NR3C2: variants seen among roughly 807,000 people sequenced by gnomAD.
The protein encoded by NR3C2 is nuclear receptor subfamily 3 group C member 2.
NR3C2 carries 15 observed loss-of-function variants against 86.4 expected under a neutral mutation model. That is an observed-to-expected ratio of 0.17 (90% CI 0.12 to 0.27). NR3C2 has a LOEUF of 0.27. Among genes scored for constraint, NR3C2 ranks in the 10% least tolerant of loss-of-function variants. The pLI, the probability that NR3C2 is intolerant of heterozygous loss-of-function variation, is 1.00. For synonymous variants in NR3C2, 458 were observed against 450.5 expected (o/e 1.02, Z -0.21); for missense variants, 960 against 1,195.6 (o/e 0.80, Z 2.91).
chr4:148,152,433 A>G (rs989068105), intron 6 of NR3C2, 36 bp downstream of exon 6: 1 of 1,598,630 alleles, frequency 6.3e-7, no homozygotes, highest in Non-Finnish European at 8.6e-7. Flanking sequence ...ATAACTCTGC[A>G]GTTTATTTTA....
At chr4:148,381,673 CAA>C (rs1467360358) in intron 2 of NR3C2, among the ~76,000 whole-genome samples, 1 of 152,116 alleles carries the variant, frequency 6.6e-6, no homozygotes, top group Non-Finnish European at 1.5e-5. Flanking sequence ...AATCAGAAAT[CAA>C]AAGCTCAAAG....
At chr4:148,201,051 T>C (rs946573066) in intron 3 of NR3C2, 1 of 152,202 alleles carries the variant, frequency 6.6e-6, no homozygotes, top group African/African-American at 2.4e-5. Context: ...GTCAGTGGTG[T>C]AGGGGGCACT....
intron 6 of NR3C2, among the ~76,000 whole-genome samples, chr4:148,132,069 A>G (rs1182781931): frequency 6.6e-6 from 1 of 152,236 alleles, no homozygotes; most frequent in African/African-American, 2.4e-5. Flanking sequence ...AGTTTTTAAA[A>G]TAACTTATAT....
intron 4 of NR3C2, among the ~76,000 whole-genome samples, chr4:148,169,445 G>A (rs1483409857): frequency 2.0e-5 from 3 of 151,762 alleles, no homozygotes; most frequent in Non-Finnish European, 4.4e-5. Context: ...AAGGAACCCT[G>A]TAAGATATAC....
intron 2 of NR3C2, among the ~76,000 whole-genome samples, chr4:148,272,594 T>A (rs971162899): frequency 5.9e-5 from 9 of 152,232 alleles, no homozygotes; most frequent in Admixed American, 2.0e-4. Flanking sequence ...CTGGCTTTAC[T>A]GCTCAATTTA....
chr4:148,154,198 G>A (rs1173278246), intron 5 of NR3C2, among the ~76,000 whole-genome samples: 7 of 151,872 alleles, frequency 4.6e-5, no homozygotes, highest in Non-Finnish European at 5.9e-5. Flanking sequence ...TAGTAGAAAC[G>A]GGGTTTCACC....
chr4:148,313,893 C>T (rs1282421456), intron 2 of NR3C2, among the ~76,000 whole-genome samples: 2 of 152,170 alleles, frequency 1.3e-5, no homozygotes, highest in Non-Finnish European at 2.9e-5. Flanking sequence ...CTAGCATAAA[C>T]TTGTGAGTTT....
At chr4:148,207,628 T>C (rs994733666) in intron 3 of NR3C2, among the ~76,000 whole-genome samples, 2 of 152,182 alleles carry the variant, frequency 1.3e-5, no homozygotes, top group African/African-American at 4.8e-5. Context: ...TTAGCAGCTA[T>C]GGAACACTGA....
chr4:148,214,520 G>T (rs1223041281), intron 3 of NR3C2, among the ~76,000 whole-genome samples: 1 of 152,168 alleles, frequency 6.6e-6, no homozygotes, highest in Non-Finnish European at 1.5e-5. Flanking sequence ...TGACCATTTA[G>T]CCATTCAGAT....
At chr4:148,415,638 G>C (rs1470946170) in intron 2 of NR3C2, among the ~76,000 whole-genome samples, 5 of 152,114 alleles carry the variant, frequency 3.3e-5, no homozygotes. Context: ...GGTTTAGGAA[G>C]CAAGACAAAT....
At chr4:148,323,129 T>C (rs1419770049) in intron 2 of NR3C2, among the ~76,000 whole-genome samples, 1 of 149,990 alleles carries the variant, frequency 6.7e-6, no homozygotes, top group Admixed American at 6.7e-5. Context: ...TCTGTTGGAA[T>C]ACCCTGCCCT....
intron 6 of NR3C2, among the ~76,000 whole-genome samples, chr4:148,122,633 T>C (rs923287429): frequency 1.3e-5 from 2 of 152,224 alleles, no homozygotes; most frequent in Admixed American, 1.3e-4. Flanking sequence ...TAGCCCCCTG[T>C]TGCTGGAAGT....
chr4:148,325,489 T>C (rs1379888256), intron 2 of NR3C2, among the ~76,000 whole-genome samples: 1 of 145,534 alleles, frequency 6.9e-6, no homozygotes, highest in African/African-American at 2.7e-5. Context: ...AAGAAATGGA[T>C]GTAAGGCTAG....
chr4:148,197,997 C>G (rs1736521457), intron 3 of NR3C2, among the ~76,000 whole-genome samples: 1 of 151,800 alleles, frequency 6.6e-6, no homozygotes, highest in Admixed American at 6.6e-5. Context: ...CATAAGGCAG[C>G]CATTCTAGAA....
intron 4 of NR3C2, among the ~76,000 whole-genome samples, chr4:148,181,000 G>A (rs549281117): frequency 1.3e-5 from 2 of 152,144 alleles, no homozygotes; most frequent in African/African-American, 4.8e-5. Context: ...TGCTTCCTGT[G>A]TCTTAGATCC....
At chr4:148,161,886 C>T (rs895020264) in intron 4 of NR3C2, among the ~76,000 whole-genome samples, 1 of 152,158 alleles carries the variant, frequency 6.6e-6, no homozygotes, top group African/African-American at 2.4e-5. Context: ...TTTTGGGTCA[C>T]TGGCATTTAC....
chr4:148,172,236 T>C (rs1735162133), intron 4 of NR3C2, among the ~76,000 whole-genome samples: 1 of 152,112 alleles, frequency 6.6e-6, no homozygotes, highest in Non-Finnish European at 1.5e-5. Flanking sequence ...CAAACCAGGA[T>C]TGAAATTCCT....
intron 2 of NR3C2, among the ~76,000 whole-genome samples, chr4:148,429,322 T>C (rs1158239270): frequency 1.3e-5 from 2 of 152,218 alleles, no homozygotes; most frequent in East Asian, 3.8e-4. Context: ...TACATACCAA[T>C]GAAGTATTCA....
intron 2 of NR3C2, among the ~76,000 whole-genome samples, chr4:148,279,483 TA>T (rs369596844): frequency 3.9e-5 from 6 of 152,274 alleles, no homozygotes; most frequent in African/African-American, 1.4e-4. Flanking sequence ...AACAAGACAC[TA>T]AAAATTCATG....
Sources: allele counts gnomAD v4.1 joint callset (sites outside exome capture counted in the v4.1 genomes callset), GRCh38; gene constraint gnomAD v4.1.1; transcripts MANE v1.5; gene names NCBI Gene and HGNC (gene_info 2026-07-23, HGNC 2026-07-21).